ASTN2: variants seen among roughly 807,000 people sequenced by gnomAD.
ASTN2 encodes astrotactin-2.
In ASTN2, 54 loss-of-function variants were observed where a neutral mutation model predicts 139.8. That is an observed-to-expected ratio of 0.39 (90% CI 0.31 to 0.48). The LOEUF (loss-of-function observed/expected upper bound fraction) is 0.48. Ranked by LOEUF, ASTN2 falls within the 20% of genes least tolerant of loss-of-function variation. The pLI is 0.95. For synonymous variants in ASTN2, 756 were observed against 719.5 expected, an observed-to-expected ratio of 1.05 and a Z score of -0.81; for missense variants, 1,565 against 1,725.1, an observed-to-expected ratio of 0.91 and a Z score of 1.64.
intron 20 of ASTN2, among the ~76,000 whole-genome samples, chr9:116,471,828 A>G (rs1319093144): frequency 6.6e-6 from 1 of 152,178 alleles, no homozygotes; most frequent in Non-Finnish European, 1.5e-5. Flanking sequence ...GCAATTTTTC[A>G]AAGGCTACCC....
chr9:117,010,253 T>A (rs1020923842), intron 6 of ASTN2, among the ~76,000 whole-genome samples: 2 of 152,112 alleles, frequency 1.3e-5, no homozygotes, highest in African/African-American at 4.8e-5. Flanking sequence ...AAAGCCATAT[T>A]TCCCCCCTGG....
chr9:117,355,901 G>A (rs532222166), intron 1 of ASTN2, among the ~76,000 whole-genome samples: 17 of 152,150 alleles, frequency 1.1e-4, no homozygotes, highest in Non-Finnish European at 2.4e-4. Flanking sequence ...CCAAGCACTT[G>A]CTAATGAAAA....
At chr9:117,247,302 C>G (rs562576351) in intron 2 of ASTN2, among the ~76,000 whole-genome samples, 10 of 152,344 alleles carry the variant, frequency 6.6e-5, no homozygotes, top group Non-Finnish European at 1.2e-4. Context: ...TTGAGGCTAT[C>G]TGCTGCCAAT....
chr9:116,511,214 G>T (rs145949072), intron 19 of ASTN2, among the ~76,000 whole-genome samples: 3 of 152,038 alleles, frequency 2.0e-5, no homozygotes, highest in East Asian at 1.9e-4. Flanking sequence ...TAGCATGAAG[G>T]GTTGTTGAAT....
chr9:117,175,617 T>A (rs1830897374), intron 3 of ASTN2, among the ~76,000 whole-genome samples: 1 of 152,206 alleles, frequency 6.6e-6, no homozygotes, highest in South Asian at 2.1e-4. Flanking sequence ...ACACGAGGAC[T>A]TGTCCTATGA....
intron 1 of ASTN2, among the ~76,000 whole-genome samples, chr9:117,388,745 T>A (rs796512131): frequency 2.6e-5 from 4 of 152,216 alleles, no homozygotes; most frequent in African/African-American, 9.6e-5. Flanking sequence ...CAACCTCATG[T>A]TAGCTGGGTC....
At chr9:117,155,724 T>G (rs1262513505) in intron 3 of ASTN2, among the ~76,000 whole-genome samples, 1 of 152,042 alleles carries the variant, frequency 6.6e-6, no homozygotes, top group East Asian at 1.9e-4. Flanking sequence ...CTCCAGACAT[T>G]GGACCTGAAT....
chr9:117,045,975 T>C (rs74664083), intron 5 of ASTN2, among the ~76,000 whole-genome samples: 1,330 of 102,056 alleles, frequency 0.013, 20 homozygotes, highest in African/African-American at 0.045. Flanking sequence ...TATGTATGTA[T>C]GTATGTACGT....
At chr9:116,767,427 A>G (rs1246707744) in intron 13 of ASTN2, among the ~76,000 whole-genome samples, 2 of 152,190 alleles carry the variant, frequency 1.3e-5, no homozygotes, top group African/African-American at 4.8e-5. Flanking sequence ...TGTAAGACAC[A>G]TTCCGCTGAA....
chr9:116,532,335 C>T (rs1459574028), intron 19 of ASTN2, among the ~76,000 whole-genome samples: 1 of 152,096 alleles, frequency 6.6e-6, no homozygotes, highest in African/African-American at 2.4e-5. Flanking sequence ...GATGGTATTT[C>T]CTTTTGCTGT....
chr9:116,472,429 T>G lies in ASTN2; in HGVS notation c.3497+14930A>C, dbSNP rs528189695. ...CTCCTCAGAACTCGCATGCCTTTAT[T>G]ATGGGGCAAATCACCTTCTACCCCC... On this transcript the variant is annotated intron_variant, in intron 20 of 22. Coordinates refer to ENST00000313400, the MANE Select transcript of ASTN2 (RefSeq NM_001365068.1). Among the ~76,000 whole-genome samples the G allele has an allele frequency of 6.1e-4, 93 of 152,294 alleles. No individual in the cohort carries two copies. The Middle Eastern group carries it at 0.01, about 17-fold the overall frequency.
chr9:117,152,316 A>G (rs557579413), intron 3 of ASTN2, among the ~76,000 whole-genome samples: 1 of 152,232 alleles, frequency 6.6e-6, no homozygotes, highest in South Asian at 2.1e-4. Flanking sequence ...CTTTGGGGTA[A>G]CCGATCGCCT....
intron 2 of ASTN2, among the ~76,000 whole-genome samples, chr9:117,275,794 T>C (rs1469010320): frequency 6.6e-6 from 1 of 152,068 alleles, no homozygotes. Context: ...TCACTCGAAC[T>C]CTTATCCTCA....
Position 117,027,963 on chromosome 9 carries a change from T to C in ASTN2, c.1423+11856A>G, listed in dbSNP as rs141947973. Among the ~76,000 whole-genome samples, 390 of 152,286 alleles carry C rather than the reference T, an allele frequency of 2.6e-3. 2 individuals are homozygous for C. The highest frequency in any genetic ancestry group is 0.014 in the Middle Eastern group (4 of 294). ...AAATTGGTGGTTCTGAGAAGTACAGTGACTCGTCCAAGATCCATAATTAGT... is the reference window on the plus strand; with the variant it reads ...AAATTGGTGGTTCTGAGAAGTACAGCGACTCGTCCAAGATCCATAATTAGT... On this transcript the variant is annotated intron_variant, in intron 6 of 22. Transcript: ENST00000313400.
At chr9:117,225,066 A>T (rs976064708) in intron 2 of ASTN2, among the ~76,000 whole-genome samples, 2 of 152,196 alleles carry the variant, frequency 1.3e-5, no homozygotes, top group African/African-American at 4.8e-5. Context: ...AGGCAATGAA[A>T]GGAAGGGCAG....
At chr9:116,443,748 T>A (rs1847906155) in intron 20 of ASTN2, among the ~76,000 whole-genome samples, 2 of 152,258 alleles carry the variant, frequency 1.3e-5, no homozygotes, top group South Asian at 2.1e-4. Flanking sequence ...TCTGTCTGCA[T>A]CATGTCATCC....
intron 16 of ASTN2, chr9:116,686,939 G>C (rs1237351136): frequency 6.7e-7 from 1 of 1,485,648 alleles, no homozygotes; most frequent in Non-Finnish European, 8.9e-7. Context: ...CCATTTCTCA[G>C]ATGGAAAAAC....
chr9:117,391,643 C>A (rs1411742981), intron 1 of ASTN2, among the ~76,000 whole-genome samples: 1 of 152,068 alleles, frequency 6.6e-6, no homozygotes, highest in Non-Finnish European at 1.5e-5. Context: ...TCGCCCCTGG[C>A]CCCTCCCAAA....
In ASTN2 at chr9:116,976,695, A is replaced by G. The variant is rs1428322994; in HGVS notation, c.1676+6T>C. The G allele has an allele frequency of 6.2e-7, 1 of 1,613,562 alleles. No individual in the cohort carries two copies. Among genetic ancestry groups the G allele is most frequent in the African/African-American group, 1.3e-5 (1 of 74,846 alleles). ...TGTCCTGGACCTGATGCCCTTTGCC[A>G]CTCACCCTTCACTCTGTCCCCAGTC... On this transcript the variant is annotated splice_donor_region_variant and intron_variant, in intron 8 of 22. Coordinates refer to ENST00000313400, the MANE Select transcript of ASTN2 (RefSeq NM_001365068.1).
Sources: gnomAD v4.1 joint callset for allele counts (sites outside exome capture counted in the v4.1 genomes callset) on GRCh38, gnomAD v4.1.1 for gene constraint, MANE v1.5 for transcripts, NCBI Gene and HGNC (gene_info 2026-07-23, HGNC 2026-07-21) for gene names.